The following SYNPR variants were observed in gnomAD, a reference collection of about 807,000 sequenced individuals.
The protein encoded by SYNPR is synaptoporin.
SYNPR carries 23 observed loss-of-function variants against 32.9 expected under a neutral mutation model. That is an observed-to-expected ratio of 0.70 (90% CI 0.50 to 0.99). SYNPR has a LOEUF of 0.99. Among genes scored for constraint, SYNPR ranks in the 50% least tolerant of loss-of-function variants. SYNPR has a pLI of 0.00. For synonymous variants in SYNPR, 146 were observed against 135.9 expected (o/e 1.07, Z -0.52); for missense variants, 318 against 349.3 (o/e 0.91, Z 0.71).
chr3:63,533,936 T>C (rs943644197), intron 3 of SYNPR, among the ~76,000 whole-genome samples: 1 of 152,166 alleles, frequency 6.6e-6, no homozygotes, highest in Non-Finnish European at 1.5e-5. Flanking sequence ...AAAGCACTGA[T>C]AATGTTGCTA....
At chr3:63,469,250 G>C (rs978960292) in intron 2 of SYNPR, among the ~76,000 whole-genome samples, 1 of 152,086 alleles carries the variant, frequency 6.6e-6, no homozygotes, top group African/African-American at 2.4e-5. Context: ...AAAAAATTCA[G>C]TCATTCTGTA....
At chr3:63,522,881 G>C (rs1701941860) in intron 3 of SYNPR, among the ~76,000 whole-genome samples, 1 of 152,144 alleles carries the variant, frequency 6.6e-6, no homozygotes, top group African/African-American at 2.4e-5. Flanking sequence ...TTTACCCTAA[G>C]AGCACAGGAT....
chr3:63,448,877 G>T (rs1700328476), intron 2 of SYNPR, among the ~76,000 whole-genome samples: 1 of 152,170 alleles, frequency 6.6e-6, no homozygotes, highest in Non-Finnish European at 1.5e-5. Flanking sequence ...TTCTAGTAAG[G>T]CATTTGCAGG....
At chr3:63,471,166 A>C (rs377400772) in intron 2 of SYNPR, among the ~76,000 whole-genome samples, 3 of 152,186 alleles carry the variant, frequency 2.0e-5, no homozygotes, top group East Asian at 3.9e-4. Context: ...CACGGTATTC[A>C]ATTTTTGACA....
chr3:63,508,543 T>C (rs763645991), intron 3 of SYNPR, among the ~76,000 whole-genome samples: 8 of 152,046 alleles, frequency 5.3e-5, no homozygotes, highest in Non-Finnish European at 1.2e-4. Flanking sequence ...GAAGCTGACA[T>C]TGGAGCAAAG....
intron 3 of SYNPR, among the ~76,000 whole-genome samples, chr3:63,491,862 T>C (rs933773590): frequency 6.6e-6 from 1 of 152,172 alleles, no homozygotes; most frequent in Non-Finnish European, 1.5e-5. Flanking sequence ...ACTTACAAAA[T>C]ACTATCCTCA....
At chr3:63,506,080 C>CCCTTCCTTCCTT (rs113121978) in intron 3 of SYNPR, among the ~76,000 whole-genome samples, 1 of 150,138 alleles carries the variant, frequency 6.7e-6, no homozygotes, top group African/African-American at 2.5e-5. Context: ...AGATGCTCCT[C>CCCTTCCTTCCTT]CCTTCCTTCC....
chr3:63,361,194 C>A (rs892030842), intron 2 of SYNPR, among the ~76,000 whole-genome samples: 1 of 152,036 alleles, frequency 6.6e-6, no homozygotes, highest in Non-Finnish European at 1.5e-5. Flanking sequence ...TTGATCAGGG[C>A]AAGGTAAGTT....
At chr3:63,614,024 G>GC (rs1700242138) in intron 5 of SYNPR, among the ~76,000 whole-genome samples, 1 of 133,338 alleles carries the variant, frequency 7.5e-6, no homozygotes, top group Non-Finnish European at 1.7e-5. Context: ...CTACACCAGT[G>GC]CCCCCTCTGC....
chr3:63,383,957 T>C (rs1224333918), intron 2 of SYNPR, among the ~76,000 whole-genome samples: 5 of 152,220 alleles, frequency 3.3e-5, no homozygotes, highest in Admixed American at 1.3e-4. Context: ...TGGTGGAATA[T>C]AGATATGGCA....
intron 4 of SYNPR, among the ~76,000 whole-genome samples, chr3:63,562,008 C>A (rs1339574425): frequency 1.3e-5 from 2 of 152,122 alleles, no homozygotes; most frequent in Non-Finnish European, 1.5e-5. Context: ...CCAAAGAAAT[C>A]AGCCAGCTAC....
intron 2 of SYNPR, among the ~76,000 whole-genome samples, chr3:63,462,288 A>G (rs1464864610): frequency 1.3e-5 from 2 of 152,022 alleles, no homozygotes; most frequent in Non-Finnish European, 2.9e-5. Context: ...CTTGTACCTT[A>G]ATTTCCTTTA....
chr3:63,504,641 G>A (rs1381262464), intron 3 of SYNPR, among the ~76,000 whole-genome samples: 3 of 152,044 alleles, frequency 2.0e-5, no homozygotes, highest in Non-Finnish European at 4.4e-5. Flanking sequence ...TTAATGAAAA[G>A]AGATTGCCAC....
At chr3:63,345,166 C>T (rs765980400) in intron 2 of SYNPR, among the ~76,000 whole-genome samples, 1 of 152,190 alleles carries the variant, frequency 6.6e-6, no homozygotes, top group Non-Finnish European at 1.5e-5. Flanking sequence ...AATTCATGCT[C>T]TCACATAATT....
intron 2 of SYNPR, among the ~76,000 whole-genome samples, chr3:63,364,604 T>C (rs1022633395): frequency 3.9e-5 from 6 of 152,226 alleles, no homozygotes; most frequent in African/African-American, 1.4e-4. Context: ...CTTAATTGGT[T>C]GAATTATCCA....
intron 2 of SYNPR, among the ~76,000 whole-genome samples, chr3:63,337,850 G>C (rs1161711759): frequency 2.0e-5 from 3 of 152,040 alleles, no homozygotes; most frequent in Admixed American, 6.6e-5. Context: ...GGTTGCCAGA[G>C]GTTAATGGAA....
chr3:63,609,510 T>C (rs906491705), intron 5 of SYNPR, among the ~76,000 whole-genome samples, 194 bp downstream of exon 5: 3 of 152,218 alleles, frequency 2.0e-5, no homozygotes, highest in Non-Finnish European at 4.4e-5. Flanking sequence ...CCATCATTTG[T>C]AATGTTGCCG....
At chr3:63,505,940 TC>T (rs1701578408) in intron 3 of SYNPR, among the ~76,000 whole-genome samples, 1 of 151,906 alleles carries the variant, frequency 6.6e-6, no homozygotes, top group Admixed American at 6.6e-5. Flanking sequence ...CTCTAAGATT[TC>T]CTCATTGGGC....
intron 4 of SYNPR, among the ~76,000 whole-genome samples, chr3:63,592,923 C>T (rs1699863905): frequency 6.6e-6 from 1 of 151,964 alleles, no homozygotes; most frequent in African/African-American, 2.4e-5. Context: ...AAATGTATCT[C>T]ATTATTGCCC....
Sources: gnomAD v4.1 joint callset for allele counts (sites outside exome capture counted in the v4.1 genomes callset) on GRCh38, gnomAD v4.1.1 for gene constraint, MANE v1.5 for transcripts, NCBI Gene and HGNC (gene_info 2026-07-23, HGNC 2026-07-21) for gene names.